Variants in FANCC observed in about 807,000 individuals in gnomAD.
The protein encoded by FANCC is Fanconi anemia group C protein.
A neutral mutation model predicts 71.3 loss-of-function variants in FANCC; 55 were observed. The ratio of observed to expected loss-of-function variants is 0.77; its 90% CI spans 0.62 to 0.97. FANCC has a LOEUF of 0.97. Among genes scored for constraint, FANCC ranks in the 50% least tolerant of loss-of-function variants. The probability of loss-of-function intolerance (pLI) is 0.00; values close to 1 mark genes in which losing one functional copy is unlikely to be tolerated. For missense variants in FANCC, 678 were observed against 670.9 expected (o/e 1.01, Z -0.12); for synonymous variants, 275 against 244.9 (o/e 1.12, Z -1.15).
intron 1 of FANCC, among the ~76,000 whole-genome samples, chr9:95,291,784 C>T (rs1834018555): frequency 6.6e-6 from 1 of 151,246 alleles, no homozygotes; most frequent in South Asian, 2.1e-4. Flanking sequence ...CCCATCTCTA[C>T]TAAAAATACA....
intron 1 of FANCC, among the ~76,000 whole-genome samples, chr9:95,258,669 A>G (rs1417364311): frequency 1.3e-5 from 2 of 152,226 alleles, no homozygotes; most frequent in African/African-American, 4.8e-5. Flanking sequence ...TGTTCAACAT[A>G]GTATCGGAAA....
intron 1 of FANCC, among the ~76,000 whole-genome samples, chr9:95,289,012 G>GGCT (rs1833854714): frequency 6.6e-6 from 1 of 151,930 alleles, no homozygotes; most frequent in Non-Finnish European, 1.5e-5. Flanking sequence ...GAGGAGGGAG[G>GGCT]GCTGCTTGAG....
Position 95,166,456 on chromosome 9 carries a change from A to T in FANCC, c.521+4623T>A, listed in dbSNP as rs147078636. 1.1e-4 allele frequency among the ~76,000 whole-genome samples: 16 copies of T among 152,270 alleles called. 1 individual carries two copies. The East Asian group carries it at 2.9e-3, about 28-fold the overall frequency. On this transcript the variant is annotated intron_variant, in intron 6 of 14. Coordinates refer to ENST00000289081, the MANE Select transcript of FANCC (RefSeq NM_000136.3). ...AGAGTTATAACAACCTAACGAGATA[A>T]CTTCAATCACATACTAAAACTCTAC...
chr9:95,170,679 T>TGTGTGTGTGTGTGC (rs1554842441), intron 6 of FANCC, among the ~76,000 whole-genome samples: 1 of 144,656 alleles, frequency 6.9e-6, no homozygotes, highest in East Asian at 2.0e-4. Context: ...TGTGTGTGTG[T>TGTGTGTGTGTGTGC]TGGGAGCAGA....
intron 6 of FANCC, among the ~76,000 whole-genome samples, chr9:95,167,213 C>T (rs1825359401): frequency 6.6e-6 from 1 of 152,148 alleles, no homozygotes; most frequent in African/African-American, 2.4e-5. Flanking sequence ...TTGTACATGA[C>T]AAGTCACTTT....
chr9:95,127,532 C>T (rs1826185421), intron 8 of FANCC: 1 of 152,412 alleles, frequency 6.6e-6, no homozygotes, highest in Non-Finnish European at 1.5e-5. Context: ...AAGCGCGGGG[C>T]TCTGACAGGG....
At chr9:95,305,744 A>C (rs1450284282) in intron 1 of FANCC, among the ~76,000 whole-genome samples, 6 of 152,208 alleles carry the variant, frequency 3.9e-5, no homozygotes. Context: ...CAGGCTGTGA[A>C]AAGACACGCC....
rs574264415 is a variant in FANCC, at chr9:95,148,003, C to T, written c.686+1920G>A. On this transcript the variant is annotated intron_variant, in intron 7 of 14. Transcript: ENST00000289081. ...ATCTCCTGGTTTTTCCTGGAATAACCGTGTTGACATTTGCACTGATAGCGC... is the reference window on the plus strand; with the variant it reads ...ATCTCCTGGTTTTTCCTGGAATAACTGTGTTGACATTTGCACTGATAGCGC... 4.6e-5 allele frequency among the ~76,000 whole-genome samples: 7 copies of T among 152,162 alleles called. No homozygotes were observed. In the East Asian group the frequency reaches 1.2e-3, roughly 25 times the overall value.
intron 1 of FANCC, among the ~76,000 whole-genome samples, chr9:95,313,077 C>G (rs549841587): frequency 6.6e-6 from 1 of 152,332 alleles, no homozygotes; most frequent in African/African-American, 2.4e-5. Context: ...AGAGCCTGCA[C>G]TGGGGAAGAT....
intron 4 of FANCC, among the ~76,000 whole-genome samples, chr9:95,217,301 T>C (rs980316143): frequency 6.6e-6 from 1 of 151,938 alleles, no homozygotes; most frequent in Non-Finnish European, 1.5e-5. Context: ...CTGCGTAACA[T>C]GGTGAAACAC....
rs188460611 is a variant in FANCC, at chr9:95,111,337, A to G, written c.1329+126T>C. 2.7e-4 allele frequency: 427 copies of G among 1,598,032 alleles called. 1 individual carries two copies. In the African/African-American group the frequency reaches 5.1e-3, roughly 19 times the overall value. ...CACCATGCCTGCAGGTTGCCATGAC[A>G]TATGCCATCTGTGGGCAGAGCTCAG... On this transcript the variant is annotated intron_variant, in intron 13 of 14. Coordinates refer to ENST00000289081, the MANE Select transcript of FANCC (RefSeq NM_000136.3).
intron 7 of FANCC, among the ~76,000 whole-genome samples, chr9:95,141,985 GTTTTTTT>G (rs1163083695): frequency 1.6e-3 from 134 of 83,168 alleles, no homozygotes; most frequent in African/African-American, 6.0e-3. Context: ...AGTTTGTGGG[GTTTTTTT>G]TTTTTTTTTT....
intron 1 of FANCC, among the ~76,000 whole-genome samples, chr9:95,307,046 G>A (rs916790151): frequency 1.3e-5 from 2 of 151,994 alleles, no homozygotes; most frequent in Non-Finnish European, 2.9e-5. Flanking sequence ...CACCACGCCT[G>A]GATAATTTTT....
At chr9:95,261,675 C>A (rs996187464) in intron 1 of FANCC, among the ~76,000 whole-genome samples, 24 of 152,178 alleles carry the variant, frequency 1.6e-4, no homozygotes, top group African/African-American at 5.8e-4. Flanking sequence ...CTAAAAACAA[C>A]AGAAGCTGTT....
intron 8 of FANCC, 60 bp from the exon 9 acceptor site, chr9:95,126,641 C>G (rs1826020984): frequency 6.4e-7 from 1 of 1,553,136 alleles, no homozygotes; most frequent in South Asian, 1.1e-5. Context: ...CAGAAACTTG[C>G]TATTATCAGC....
chr9:95,196,928 T>A (rs1286157746), intron 4 of FANCC, among the ~76,000 whole-genome samples: 2 of 152,240 alleles, frequency 1.3e-5, no homozygotes, highest in African/African-American at 4.8e-5. Flanking sequence ...GCTCACCTCC[T>A]GTGGCCTCTA....
At position 95,120,062 on chromosome 9, in the gene FANCC, T is replaced by G. The variant is rs570583982; in HGVS notation, c.997-2672A>C. Among the ~76,000 whole-genome samples the G allele has an allele frequency of 3.3e-5, 5 of 152,268 alleles. No homozygotes were observed. In the South Asian group the frequency reaches 1.0e-3, roughly 32 times the overall value. ...CTAATTTATCCATTTTTTCCTATGGTTAGTGCTTCTGAGAAATCTTAGATC... is the reference window on the plus strand; with the variant it reads ...CTAATTTATCCATTTTTTCCTATGGGTAGTGCTTCTGAGAAATCTTAGATC... On this transcript the variant is annotated intron_variant, in intron 10 of 14. Transcript: ENST00000289081.
intron 3 of FANCC, among the ~76,000 whole-genome samples, chr9:95,246,726 C>T (rs1047700585): frequency 1.3e-5 from 2 of 152,140 alleles, no homozygotes; most frequent in African/African-American, 4.8e-5. Flanking sequence ...GCCAGTAAGG[C>T]TATTTCAAAG....
At chr9:95,114,462 G>T in intron 12 of FANCC, 167 bp downstream of exon 12, 1 of 726,294 alleles carries the variant, frequency 1.4e-6, no homozygotes. Flanking sequence ...CAAGCCATCC[G>T]TGCAGCCATG....
Sources: allele counts gnomAD v4.1 joint callset (sites outside exome capture counted in the v4.1 genomes callset), GRCh38; gene constraint gnomAD v4.1.1; transcripts MANE v1.5; gene names NCBI Gene and HGNC (gene_info 2026-07-23, HGNC 2026-07-21).